The following PTPRR variants were observed in gnomAD, a reference collection of about 807,000 sequenced individuals.
The protein encoded by PTPRR is protein tyrosine phosphatase receptor type R.
A neutral mutation model predicts 77.2 loss-of-function variants in PTPRR; 38 were observed. That is an observed-to-expected ratio of 0.49 (90% CI 0.38 to 0.65). The LOEUF (loss-of-function observed/expected upper bound fraction) is 0.65. Ranked by LOEUF, PTPRR falls within the 30% of genes least tolerant of loss-of-function variation. The pLI, the probability that PTPRR is intolerant of heterozygous loss-of-function variation, is 0.00. For synonymous variants in PTPRR, 299 were observed against 283.1 expected (o/e 1.06, Z -0.57); for missense variants, 744 against 799.2 (o/e 0.93, Z 0.83).
At chr12:70,646,326 T>C (rs1440873789) in intron 13 of PTPRR, among the ~76,000 whole-genome samples, 26 of 152,188 alleles carry the variant, frequency 1.7e-4, no homozygotes, top group Non-Finnish European at 7.3e-5. Flanking sequence ...AAATGTAAAT[T>C]TGGCCAATTC....
intron 6 of PTPRR, among the ~76,000 whole-genome samples, chr12:70,738,714 C>G (rs931823439): frequency 5.9e-5 from 9 of 152,098 alleles, no homozygotes; most frequent in Non-Finnish European, 1.2e-4. Context: ...TACAATTTCC[C>G]TTAGAGTGAT....
intron 2 of PTPRR, among the ~76,000 whole-genome samples, chr12:70,772,979 G>A (rs1409527847): frequency 6.6e-6 from 1 of 151,974 alleles, no homozygotes; most frequent in African/African-American, 2.4e-5. Context: ...AAATTTGTAG[G>A]GGAGAATCCT....
At chr12:70,800,237 C>T (rs1219000259) in intron 2 of PTPRR, among the ~76,000 whole-genome samples, 1 of 152,014 alleles carries the variant, frequency 6.6e-6, no homozygotes, top group African/African-American at 2.4e-5. Context: ...TTCCCCCCTA[C>T]CCACTGCATT....
chr12:70,867,472 C>G (rs1389122963), intron 2 of PTPRR, among the ~76,000 whole-genome samples: 1 of 151,986 alleles, frequency 6.6e-6, no homozygotes, highest in Non-Finnish European at 1.5e-5. Context: ...AGGAATCCAA[C>G]TTACAAGGGA....
intron 12 of PTPRR, among the ~76,000 whole-genome samples, chr12:70,658,883 G>GTTTTTTTTTTTTTTTTTTTTTT (rs746595856): frequency 1.4e-4 from 5 of 36,936 alleles, no homozygotes; most frequent in Admixed American, 4.4e-4. Flanking sequence ...TTTTGCTCTA[G>GTTTTTTTTTTTTTTTTTTTTTT]TTTTTTTTTT....
chr12:70,638,986 G>T lies in PTPRR; in HGVS notation c.*198C>A, dbSNP rs1289857121. 2 of 572,716 alleles carry T rather than the reference G, an allele frequency of 3.5e-6. No homozygotes were observed. The highest frequency in any genetic ancestry group is 6.2e-6 in the Non-Finnish European group (2 of 321,904). 35.5% of individuals were successfully genotyped at this position (572,716 alleles called of 1,614,324 possible). On this transcript the variant is annotated 3_prime_UTR_variant, in exon 14 of 14. Transcript: ENST00000283228. ...TCAAAAAACCTTCAGAATAATTTGGGGGATGCTTACAAATGCATTCATATA... is the reference window on the plus strand; with the variant it reads ...TCAAAAAACCTTCAGAATAATTTGGTGGATGCTTACAAATGCATTCATATA...
intron 6 of PTPRR, among the ~76,000 whole-genome samples, chr12:70,744,791 C>T (rs1490901123): frequency 6.6e-6 from 1 of 152,148 alleles, no homozygotes; most frequent in Admixed American, 6.5e-5. Context: ...TGGGATATTA[C>T]TTTGAGAACT....
At chr12:70,659,483 C>T (rs1043769198) in intron 12 of PTPRR, among the ~76,000 whole-genome samples, 1 of 151,968 alleles carries the variant, frequency 6.6e-6, no homozygotes, top group Non-Finnish European at 1.5e-5. Context: ...AACATGGGAT[C>T]CTGAGTGACT....
intron 1 of PTPRR, among the ~76,000 whole-genome samples, chr12:70,914,601 T>A (rs1893747245): frequency 6.6e-6 from 1 of 152,206 alleles, no homozygotes; most frequent in Non-Finnish European, 1.5e-5. Context: ...TTATTCACAA[T>A]GTTAGGGAAT....
At chr12:70,854,381 C>T (rs1592794354) in intron 2 of PTPRR, among the ~76,000 whole-genome samples, 1 of 152,164 alleles carries the variant, frequency 6.6e-6, no homozygotes, top group Non-Finnish European at 1.5e-5. Flanking sequence ...TGCATTCAGT[C>T]GACTTCATGA....
At chr12:70,727,634 G>A (rs1401068027) in intron 6 of PTPRR, among the ~76,000 whole-genome samples, 1 of 152,124 alleles carries the variant, frequency 6.6e-6, no homozygotes, top group African/African-American at 2.4e-5. Context: ...AAACTCTAAA[G>A]ATGTCTTGGA....
intron 2 of PTPRR, among the ~76,000 whole-genome samples, chr12:70,807,176 A>C (rs965037204): frequency 2.0e-5 from 3 of 151,900 alleles, no homozygotes; most frequent in Admixed American, 1.3e-4. Context: ...GAAAGTACAA[A>C]GCCAGAAGGC....
chr12:70,814,127 T>A lies in PTPRR; in HGVS notation c.358-49349A>T, dbSNP rs1891858731. ...GCTTATCTAATTTTAGGCTTTATAGTCTAAGAGGCAAAAGCAAATTTATTT... is the reference window on the plus strand; with the variant it reads ...GCTTATCTAATTTTAGGCTTTATAGACTAAGAGGCAAAAGCAAATTTATTT... On this transcript the variant is annotated intron_variant, in intron 2 of 13. Coordinates refer to ENST00000283228, the MANE Select transcript of PTPRR (RefSeq NM_002849.4). Among the ~76,000 whole-genome samples, 3 of 152,292 alleles carry A rather than the reference T, an allele frequency of 2.0e-5. 1 individual carries two copies. In the South Asian group the frequency reaches 6.2e-4, roughly 32 times the overall value.
chr12:70,833,819 T>C (rs890988669), intron 2 of PTPRR, among the ~76,000 whole-genome samples: 6 of 152,272 alleles, frequency 3.9e-5, no homozygotes, highest in African/African-American at 1.4e-4. Context: ...ATGTATTGAA[T>C]ACATAAAGAA....
At chr12:70,869,621 G>C (rs1433141452) in intron 2 of PTPRR, among the ~76,000 whole-genome samples, 4 of 152,164 alleles carry the variant, frequency 2.6e-5, no homozygotes, top group Non-Finnish European at 5.9e-5. Context: ...TCCTGGATTA[G>C]TAGGCCCAAT....
intron 6 of PTPRR, among the ~76,000 whole-genome samples, chr12:70,735,645 T>C (rs1431879378): frequency 3.9e-5 from 6 of 152,214 alleles, no homozygotes; most frequent in Non-Finnish European, 7.3e-5. Context: ...AGGTAAGACA[T>C]GGTAGTTACG....
intron 2 of PTPRR, among the ~76,000 whole-genome samples, chr12:70,765,855 C>T (rs1052017831): frequency 1.1e-4 from 17 of 152,184 alleles, no homozygotes; most frequent in African/African-American, 3.9e-4. Context: ...TCGCAGTTCA[C>T]AAACATCTGG....
intron 13 of PTPRR, among the ~76,000 whole-genome samples, chr12:70,644,515 C>T (rs1373186789): frequency 6.6e-6 from 1 of 152,170 alleles, no homozygotes; most frequent in Non-Finnish European, 1.5e-5. Context: ...ACAATCTCTG[C>T]AGTGCTCAGT....
chr12:70,872,207 G>C (rs1892969693), intron 2 of PTPRR, among the ~76,000 whole-genome samples: 1 of 151,852 alleles, frequency 6.6e-6, no homozygotes, highest in Non-Finnish European at 1.5e-5. Flanking sequence ...TTTATTTCAT[G>C]CTTGTAAAAT....
Sources: gnomAD v4.1 joint callset for allele counts (sites outside exome capture counted in the v4.1 genomes callset) on GRCh38, gnomAD v4.1.1 for gene constraint, MANE v1.5 for transcripts, NCBI Gene and HGNC (gene_info 2026-07-23, HGNC 2026-07-21) for gene names.